SUGCT: variants seen among roughly 807,000 people sequenced by gnomAD.
SUGCT encodes succinyl-CoA:glutarate-CoA transferase, also known as succinyl-CoA:glutarate CoA-transferase.
A neutral mutation model predicts 55.0 loss-of-function variants in SUGCT; 41 were observed. That is an observed-to-expected ratio of 0.74 (90% CI 0.58 to 0.97). The LOEUF is 0.97. Ranked by LOEUF, SUGCT falls within the 50% of genes least tolerant of loss-of-function variation. SUGCT has a pLI of 0.00. For missense variants in SUGCT, 568 were observed against 547.8 expected, an observed-to-expected ratio of 1.04 and a Z score of -0.37; for synonymous variants, 187 against 200.4, an observed-to-expected ratio of 0.93 and a Z score of 0.56.
At chr7:40,240,439 C>T (rs952784144) in intron 7 of SUGCT, among the ~76,000 whole-genome samples, 3 of 151,734 alleles carry the variant, frequency 2.0e-5, no homozygotes, top group Non-Finnish European at 4.4e-5. Flanking sequence ...GCTGAGATGG[C>T]GCCATTGCAC....
intron 12 of SUGCT, among the ~76,000 whole-genome samples, chr7:40,709,352 A>G (rs1214456313): frequency 6.6e-6 from 1 of 152,224 alleles, no homozygotes; most frequent in Non-Finnish European, 1.5e-5. Context: ...AAGTGGATTC[A>G]TGTGCACAGG....
At chr7:40,425,482 G>C (rs1185023409) in intron 9 of SUGCT, among the ~76,000 whole-genome samples, 1 of 152,100 alleles carries the variant, frequency 6.6e-6, no homozygotes, top group Admixed American at 6.6e-5. Flanking sequence ...TAGTAAGTTA[G>C]TGTCGGAATC....
intron 6 of SUGCT, among the ~76,000 whole-genome samples, chr7:40,214,426 A>T (rs1412240371): frequency 6.6e-6 from 1 of 152,156 alleles, no homozygotes; most frequent in Non-Finnish European, 1.5e-5. Flanking sequence ...GGGTAGCTTC[A>T]ATTATCATTT....
chr7:40,959,543 G>A, the SUGCT span, among the ~76,000 whole-genome samples: 2 of 152,118 alleles, frequency 1.3e-5, no homozygotes, highest in Non-Finnish European at 2.9e-5. Context: ...ATCCCAAGTC[G>A]ACTTCAGACT....
At chr7:40,255,434 G>T (rs958724312) in intron 7 of SUGCT, among the ~76,000 whole-genome samples, 2 of 151,426 alleles carry the variant, frequency 1.3e-5, no homozygotes, top group African/African-American at 4.8e-5. Flanking sequence ...GGCCGGGGCC[G>T]GCTGTTCACC....
intron 12 of SUGCT, among the ~76,000 whole-genome samples, chr7:40,725,895 T>C (rs1323171468): frequency 6.6e-6 from 1 of 151,702 alleles, no homozygotes; most frequent in African/African-American, 2.4e-5. Context: ...CCAGAAAGAG[T>C]AAGTGAGTAA....
intron 12 of SUGCT, among the ~76,000 whole-genome samples, chr7:40,650,818 T>C (rs1009827948): frequency 2.0e-5 from 3 of 152,154 alleles, no homozygotes. Context: ...ACCCATCACC[T>C]AGGTATTAAG....
intron 9 of SUGCT, among the ~76,000 whole-genome samples, chr7:40,416,151 T>C (rs1486051641): frequency 6.6e-6 from 1 of 151,976 alleles, no homozygotes; most frequent in African/African-American, 2.4e-5. Flanking sequence ...AATAAAATTT[T>C]ACAACAAAAT....
intron 12 of SUGCT, among the ~76,000 whole-genome samples, chr7:40,537,316 G>A (rs1025657210): frequency 6.6e-6 from 1 of 152,100 alleles, no homozygotes; most frequent in East Asian, 1.9e-4. Flanking sequence ...CACCGAATCT[G>A]ATGAGAACAT....
chr7:40,477,443 C>T (rs930706021), intron 11 of SUGCT, among the ~76,000 whole-genome samples: 3 of 152,004 alleles, frequency 2.0e-5, no homozygotes, highest in African/African-American at 2.4e-5. Flanking sequence ...CATGCAAAAG[C>T]GGGTTGGATT....
chr7:40,719,334 T>C (rs1415547445), intron 12 of SUGCT, among the ~76,000 whole-genome samples: 2 of 152,256 alleles, frequency 1.3e-5, no homozygotes, highest in African/African-American at 2.4e-5. Context: ...ATTGTGATTA[T>C]TCTTTAAATC....
chr7:40,613,203 G>C (rs1798844189), intron 12 of SUGCT, among the ~76,000 whole-genome samples: 1 of 152,250 alleles, frequency 6.6e-6, no homozygotes, highest in South Asian at 2.1e-4. Context: ...GTCTGTATGT[G>C]TGAAGCCTCT....
the SUGCT span, among the ~76,000 whole-genome samples, chr7:40,996,083 AT>A: frequency 6.6e-6 from 1 of 152,206 alleles, no homozygotes; most frequent in African/African-American, 2.4e-5. Context: ...TTGGAAAAAA[AT>A]ATCTGACATA....
intron 6 of SUGCT, among the ~76,000 whole-genome samples, chr7:40,233,984 A>G (rs1788867176): frequency 6.6e-6 from 1 of 152,198 alleles, no homozygotes; most frequent in Non-Finnish European, 1.5e-5. Context: ...AATGAGAGCA[A>G]CTATTCCTTT....
Position 40,624,345 on chromosome 7 carries a change from C to T in SUGCT, c.1090-125089C>T, listed in dbSNP as rs537395070. Among the ~76,000 whole-genome samples, 9 of 152,234 alleles carry T rather than the reference C, an allele frequency of 5.9e-5. No homozygotes were observed. The East Asian group carries it at 1.2e-3, about 20-fold the overall frequency. On this transcript the variant is annotated intron_variant, in intron 12 of 13. Transcript: ENST00000335693. ...GTTATTATTTCTGTGAAAAGGAAGA[C>T]GTATATTAAAGTAACAGTAATAGTT...
chr7:40,718,241 C>T (rs2128680915), intron 12 of SUGCT, among the ~76,000 whole-genome samples: 1 of 152,310 alleles, frequency 6.6e-6, no homozygotes, highest in Non-Finnish European at 1.5e-5. Context: ...TGTATTAAGA[C>T]TCTAACCTCT....
At chr7:40,362,428 C>T (rs2151225544) in intron 9 of SUGCT, among the ~76,000 whole-genome samples, 1 of 151,766 alleles carries the variant, frequency 6.6e-6, no homozygotes, top group African/African-American at 2.4e-5. Context: ...CCGCCGCTCC[C>T]CCCTCAAAAA....
At chr7:40,895,690 G>A in the SUGCT span, among the ~76,000 whole-genome samples, 96 of 151,800 alleles carry the variant, frequency 6.3e-4, no homozygotes, top group Non-Finnish European at 1.0e-3. Flanking sequence ...AAAGAAAATC[G>A]AAATACAAAA....
intron 9 of SUGCT, among the ~76,000 whole-genome samples, chr7:40,415,467 A>T (rs1303975820): frequency 1.3e-5 from 2 of 148,928 alleles, no homozygotes; most frequent in Non-Finnish European, 3.0e-5. Flanking sequence ...AAATGTTAAT[A>T]TTTTTTTTCC....
Sources: gnomAD v4.1 joint callset for allele counts (sites outside exome capture counted in the v4.1 genomes callset) on GRCh38, gnomAD v4.1.1 for gene constraint, MANE v1.5 for transcripts, NCBI Gene and HGNC (gene_info 2026-07-23, HGNC 2026-07-21) for gene names.